Variants in MAP3K9 observed in about 807,000 individuals in gnomAD.
MAP3K9 encodes mitogen-activated protein kinase kinase kinase 9, also known as mixed lineage kinase 1 (tyr and ser/thr specificity).
Under a neutral mutation model 95.8 loss-of-function variants are expected in MAP3K9, and 46 were observed. That is an observed-to-expected ratio of 0.48 (90% CI 0.38 to 0.61). The LOEUF (loss-of-function observed/expected upper bound fraction) is 0.61, where lower values mean the gene tolerates loss of function less well. MAP3K9 is among the 20% of genes least tolerant of loss of function. The pLI, the probability that MAP3K9 is intolerant of heterozygous loss-of-function variation, is 0.00. For synonymous variants in MAP3K9, 533 were observed against 593.8 expected, an observed-to-expected ratio of 0.90 and a Z score of 1.49; for missense variants, 1,296 against 1,474.3, an observed-to-expected ratio of 0.88 and a Z score of 1.98.
chr14:70,768,209 C>T (rs1849077030), intron 2 of MAP3K9, among the ~76,000 whole-genome samples: 2 of 152,018 alleles, frequency 1.3e-5, no homozygotes, highest in Non-Finnish European at 2.9e-5. Context: ...TCCCATTTTC[C>T]ATGATGTGAT....
At position 70,725,823 on chromosome 14, in the gene MAP3K9, G is replaced by A. The variant is rs10134929; in HGVS notation, c.*4557C>T. The A allele has an allele frequency of 0.38, 57,025 of 148,354 alleles. 11,573 individuals carry two copies. The highest frequency in any genetic ancestry group is 0.53 in the African/African-American group (21,795 of 41,262). 9.2% of individuals were successfully genotyped at this position (148,354 alleles called of 1,614,324 possible). On this transcript the variant is annotated 3_prime_UTR_variant, in exon 12 of 12. Coordinates refer to ENST00000554752, the MANE Select transcript of MAP3K9 (RefSeq NM_001284230.2). The stretch of plus-strand genomic sequence containing the variant: ...GACTGTTTTTGACGTAAAACCGTAC[G>A]TATATTTCACACACACACACACACA...
intron 5 of MAP3K9, among the ~76,000 whole-genome samples, chr14:70,745,918 C>T (rs1424202205): frequency 2.0e-5 from 3 of 152,072 alleles, no homozygotes; most frequent in Non-Finnish European, 2.9e-5. Flanking sequence ...TTTATGGGAA[C>T]ATAGATTTAT....
chr14:70,764,602 G>A, intron 2 of MAP3K9, among the ~76,000 whole-genome samples: 1 of 151,550 alleles, frequency 6.6e-6, no homozygotes, highest in East Asian at 1.9e-4. Flanking sequence ...AGGTCAAGGT[G>A]GGAGGATCGT....
intron 2 of MAP3K9, among the ~76,000 whole-genome samples, chr14:70,770,351 T>G (rs894866182): frequency 1.3e-5 from 2 of 152,072 alleles, no homozygotes; most frequent in Admixed American, 6.5e-5. Context: ...CAGATACTTT[T>G]TTTTTTATTT....
intron 2 of MAP3K9, among the ~76,000 whole-genome samples, chr14:70,781,769 C>T (rs547341342): frequency 2.0e-4 from 30 of 152,274 alleles, no homozygotes; most frequent in African/African-American, 7.0e-4. Flanking sequence ...GAGGACTTTG[C>T]CCAAAGCCAG....
chr14:70,732,452 A>T, intron 11 of MAP3K9, 87 bp downstream of exon 11: 1 of 1,469,102 alleles, frequency 6.8e-7, no homozygotes. Context: ...CAAATCCCGA[A>T]GTGGAAAGAG....
chr14:70,735,010 T>G (rs1484710520), intron 9 of MAP3K9, among the ~76,000 whole-genome samples: 1 of 152,240 alleles, frequency 6.6e-6, no homozygotes, highest in African/African-American at 2.4e-5. Flanking sequence ...TAGGCAACTT[T>G]CAAAGCCATC....
At chr14:70,765,832 C>A (rs541288189) in intron 2 of MAP3K9, among the ~76,000 whole-genome samples, 3 of 151,010 alleles carry the variant, frequency 2.0e-5, no homozygotes, top group Non-Finnish European at 4.4e-5. Context: ...CCATATAGCC[C>A]AGGTGTGTAG....
At chr14:70,746,136 C>T (rs2054143544) in intron 5 of MAP3K9, among the ~76,000 whole-genome samples, 1 of 152,162 alleles carries the variant, frequency 6.6e-6, no homozygotes, top group Non-Finnish European at 1.5e-5. Context: ...AAAATCAAAG[C>T]TAATTTCAAG....
chr14:70,768,061 A>C (rs1041916082), intron 2 of MAP3K9, among the ~76,000 whole-genome samples: 1 of 152,188 alleles, frequency 6.6e-6, no homozygotes, highest in Admixed American at 6.5e-5. Flanking sequence ...GCATCAAAAA[A>C]TAGAAAGAAT....
intron 2 of MAP3K9, among the ~76,000 whole-genome samples, chr14:70,777,496 T>G (rs573765478): frequency 5.0e-4 from 76 of 152,222 alleles, no homozygotes; most frequent in Middle Eastern, 3.4e-3. Flanking sequence ...CCTGACATAC[T>G]CAAAAGCAGA....
Position 70,730,380 on chromosome 14 carries a change from C to A in MAP3K9, c.3315G>T (p.Ter1105TyrextTer43). 1 of 1,599,014 alleles carries A rather than the reference C, an allele frequency of 6.3e-7. No homozygotes were observed. The highest frequency in any genetic ancestry group is 8.6e-7 in the Non-Finnish European group (1 of 1,167,922). ...PYEIQQEFWS[*>Y] ...CTTGCCCGCCCCAATCCTTTTCGTG[C>A]TAAGACCAGAACTCCTGCTGGATCT... Residue 1105 changes from the stop codon to tyrosine, a stop_lost, in exon 12 of 12, where the codon TAG becomes TAT. Coordinates refer to ENST00000554752, the MANE Select transcript of MAP3K9 (RefSeq NM_001284230.2).
At chr14:70,783,278 ACGG>A (rs879447147) in intron 2 of MAP3K9, 20,129 of 978,564 alleles carry the variant, frequency 0.021, 290 homozygotes, top group Non-Finnish European at 0.023. Flanking sequence ...GGGAAGGAAG[ACGG>A]CATCCTAAAG....
Position 70,726,039 on chromosome 14 carries a change from A to G in MAP3K9, c.*4341T>C, listed in dbSNP as rs1299733110. The G allele has an allele frequency of 6.6e-6, 1 of 152,310 alleles. No homozygotes were observed. The highest frequency in any genetic ancestry group is 1.9e-4 in the East Asian group (1 of 5,200). The allele number at this position is 152,310 out of a possible 1,614,324, so 9.4% of individuals were successfully genotyped here. On this transcript the variant is annotated 3_prime_UTR_variant, in exon 12 of 12. Coordinates refer to ENST00000554752, the MANE Select transcript of MAP3K9 (RefSeq NM_001284230.2). Reference sequence around the variant, plus strand: ...TATGTGCAAATTCACACACCCAGGAAGTAGGCAGCTTTTATCACCAGGTTC... The same window carrying G: ...TATGTGCAAATTCACACACCCAGGAGGTAGGCAGCTTTTATCACCAGGTTC...
intron 2 of MAP3K9, among the ~76,000 whole-genome samples, chr14:70,763,259 A>G (rs1225459195): frequency 6.6e-6 from 1 of 152,234 alleles, no homozygotes; most frequent in Non-Finnish European, 1.5e-5. Context: ...AAAAACAGTC[A>G]TGCACCGCAT....
intron 2 of MAP3K9, among the ~76,000 whole-genome samples, chr14:70,765,748 A>C (rs111436268): frequency 3.7e-4 from 8 of 21,774 alleles, no homozygotes; most frequent in Admixed American, 9.8e-4. Context: ...AAAAAAAAAA[A>C]AACAAAAAAA....
rs1052881523 is a variant in MAP3K9, at chr14:70,723,288, G to C, written c.*7092C>G. On this transcript the variant is annotated 3_prime_UTR_variant, in exon 12 of 12. Transcript: ENST00000554752. ...CAGGGCACCTGCAGGCTGGAAACAGGAGAGAGGCTCACGGCCTTCAGTGGT... is the reference window on the plus strand; with the variant it reads ...CAGGGCACCTGCAGGCTGGAAACAGCAGAGAGGCTCACGGCCTTCAGTGGT... 1 of 152,392 alleles carries C rather than the reference G, an allele frequency of 6.6e-6. No individual in the cohort carries two copies. The highest frequency in any genetic ancestry group is 2.4e-5 in the African/African-American group (1 of 41,466). The allele number at this position is 152,392 out of a possible 1,614,324, so 9.4% of individuals were successfully genotyped here.
At chr14:70,791,464 A>C (rs2054806602) in intron 2 of MAP3K9, among the ~76,000 whole-genome samples, 1 of 152,200 alleles carries the variant, frequency 6.6e-6, no homozygotes, top group African/African-American at 2.4e-5. Flanking sequence ...ACCGCTGGGA[A>C]ATGAAGGCAC....
intron 5 of MAP3K9, among the ~76,000 whole-genome samples, chr14:70,747,590 C>T (rs535304884): frequency 2.0e-5 from 3 of 152,246 alleles, no homozygotes; most frequent in African/African-American, 7.2e-5. Context: ...GATTCTGCTT[C>T]CCCACTTACT....
Sources: gnomAD v4.1 joint callset for allele counts (sites outside exome capture counted in the v4.1 genomes callset) on GRCh38, gnomAD v4.1.1 for gene constraint, MANE v1.5 for transcripts, NCBI Gene and HGNC (gene_info 2026-07-23, HGNC 2026-07-21) for gene names.